Variants in RBFOX1 observed in about 807,000 individuals in gnomAD.
The protein encoded by RBFOX1 is RNA binding protein fox-1 homolog 1.
Under a neutral mutation model 57.7 loss-of-function variants are expected in RBFOX1, and 8 were observed. That is an observed-to-expected ratio of 0.14 (90% CI 0.08 to 0.25). The LOEUF is 0.25. RBFOX1 is among the 10% of genes least tolerant of loss of function. The pLI, the probability that RBFOX1 is intolerant of heterozygous loss-of-function variation, is 1.00. For missense variants in RBFOX1, 611 were observed against 548.5 expected (o/e 1.11, Z -1.14); for synonymous variants, 326 against 222.4 (o/e 1.47, Z -4.15).
intron 3 of RBFOX1, among the ~76,000 whole-genome samples, chr16:6,862,675 A>G (rs1238249171): frequency 2.6e-5 from 4 of 152,188 alleles, no homozygotes; most frequent in African/African-American, 9.7e-5. Context: ...AGCTGGAGGT[A>G]GAATTGGAAT....
chr16:6,328,917 G>C (rs2082685309), intron 2 of RBFOX1, among the ~76,000 whole-genome samples: 1 of 152,014 alleles, frequency 6.6e-6, no homozygotes, highest in South Asian at 2.1e-4. Flanking sequence ...GAAAATGAAA[G>C]ACAAGGATCC....
At chr16:5,550,475 G>A (rs1453674938) in intron 2 of RBFOX1, among the ~76,000 whole-genome samples, 1 of 152,188 alleles carries the variant, frequency 6.6e-6, no homozygotes. Context: ...GGGGGCAGTA[G>A]GAAGGGGAGC....
intron 2 of RBFOX1, among the ~76,000 whole-genome samples, chr16:5,485,046 G>A (rs2069678244): frequency 6.7e-6 from 1 of 150,304 alleles, no homozygotes; most frequent in Non-Finnish European, 1.5e-5. Context: ...GTGAGAGCCT[G>A]TCTCAGAAAA....
intron 14 of RBFOX1, among the ~76,000 whole-genome samples, chr16:7,691,178 C>G (rs1343702797): frequency 6.6e-6 from 1 of 150,626 alleles, no homozygotes; most frequent in Non-Finnish European, 1.5e-5. Flanking sequence ...GCTGTTAACT[C>G]CTTTTAAATG....
At chr16:6,916,197 G>C (rs8045175) in intron 3 of RBFOX1, among the ~76,000 whole-genome samples, 2,726 of 152,238 alleles carry the variant, frequency 0.018, 76 homozygotes, top group African/African-American at 0.061. Context: ...AAATAAAGTA[G>C]GAATCAGGAG....
chr16:6,576,643 A>G lies in RBFOX1; in HGVS notation c.-63-77960A>G, dbSNP rs776261471. The stretch of plus-strand genomic sequence containing the variant: ...TAACAGCTAATGGGGGGTTGTTCCT[A>G]TTTTTGTTGGCAGGGTGAGGGAGGT... On this transcript the variant is annotated intron_variant, in intron 2 of 15. Coordinates refer to ENST00000550418, the MANE Select transcript of RBFOX1 (RefSeq NM_018723.4). 1.9e-4 allele frequency among the ~76,000 whole-genome samples: 25 copies of G among 134,490 alleles called. 1 individual carries two copies. Among genetic ancestry groups the G allele is most frequent in the South Asian group, 2.6e-4 (1 of 3,868 alleles). The allele number at this position is 134,490 out of a possible 152,430, so 88.2% of individuals were successfully genotyped here.
At chr16:6,680,272 CTCTTTTTT>C (rs1313253714) in intron 3 of RBFOX1, among the ~76,000 whole-genome samples, 1 of 109,356 alleles carries the variant, frequency 9.1e-6, no homozygotes, top group Non-Finnish European at 1.9e-5. Flanking sequence ...TTTTCTCTCT[CTCTTTTTT>C]TTTTTTTTTT....
chr16:6,641,014 A>T (rs576691493), intron 2 of RBFOX1, among the ~76,000 whole-genome samples: 1 of 152,330 alleles, frequency 6.6e-6, no homozygotes, highest in African/African-American at 2.4e-5. Context: ...GTAAGTTGCT[A>T]TCTGACTTGA....
At chr16:6,220,063 T>C (rs2097362134) in intron 1 of RBFOX1, among the ~76,000 whole-genome samples, 1 of 152,154 alleles carries the variant, frequency 6.6e-6, no homozygotes, top group African/African-American at 2.4e-5. Context: ...TATATGAATA[T>C]ATAAATGTAT....
chr16:6,258,688 G>A (rs887436036), intron 1 of RBFOX1, among the ~76,000 whole-genome samples: 3 of 152,134 alleles, frequency 2.0e-5, no homozygotes, highest in East Asian at 1.9e-4. Flanking sequence ...TTGTTTAAAT[G>A]TTTATAGTAT....
chr16:7,579,107 A>G lies in RBFOX1; in HGVS notation c.271-670A>G, dbSNP rs75025677. On this transcript the variant is annotated intron_variant, in intron 5 of 15. Coordinates refer to ENST00000550418, the MANE Select transcript of RBFOX1 (RefSeq NM_018723.4). ...CGCTTGAAATGCAGCTAATGCAAAC[A>G]AAGTTAAATATCTTGTTTTAATTCA... Among the ~76,000 whole-genome samples, 866 of 152,340 alleles carry G rather than the reference A, an allele frequency of 5.7e-3. 7 individuals are homozygous for G. Among genetic ancestry groups the G allele is most frequent in the African/African-American group, 0.019 (807 of 41,582 alleles).
intron 1 of RBFOX1, among the ~76,000 whole-genome samples, chr16:6,243,597 C>T (rs570499343): frequency 3.3e-5 from 5 of 152,286 alleles, no homozygotes; most frequent in Admixed American, 6.5e-5. Flanking sequence ...TCCGTATAGA[C>T]TCGGGTCAGG....
chr16:6,955,188 C>G (rs564398433), intron 3 of RBFOX1, among the ~76,000 whole-genome samples: 9 of 152,144 alleles, frequency 5.9e-5, no homozygotes, highest in African/African-American at 1.9e-4. Context: ...TTTCAGTGAA[C>G]TGAGATGGCA....
chr16:6,132,262 C>G (rs1017665172), intron 1 of RBFOX1, among the ~76,000 whole-genome samples: 14 of 152,154 alleles, frequency 9.2e-5, no homozygotes, highest in African/African-American at 3.4e-4. Context: ...TTCTCTATTT[C>G]CAGCCCCCTG....
intron 3 of RBFOX1, among the ~76,000 whole-genome samples, chr16:5,775,155 C>G (rs2054105223): frequency 6.6e-6 from 1 of 152,158 alleles, no homozygotes; most frequent in Admixed American, 6.5e-5. Context: ...CAAATCAGCT[C>G]AAAGTAACTC....
At chr16:7,590,588 G>T (rs78395209) in intron 7 of RBFOX1, among the ~76,000 whole-genome samples, 2 of 152,124 alleles carry the variant, frequency 1.3e-5, no homozygotes, top group South Asian at 4.2e-4. Context: ...GGCCGTGTGC[G>T]GTGGCTCACT....
intron 4 of RBFOX1, among the ~76,000 whole-genome samples, chr16:7,403,555 G>C (rs888729007): frequency 3.0e-5 from 4 of 134,804 alleles, no homozygotes; most frequent in African/African-American, 1.1e-4. Context: ...TATTGCAAAT[G>C]AGAGAATCCC....
intron 4 of RBFOX1, among the ~76,000 whole-genome samples, chr16:7,266,383 T>C (rs1440598065): frequency 6.6e-6 from 1 of 152,182 alleles, no homozygotes; most frequent in East Asian, 1.9e-4. Flanking sequence ...CTTTCCGCCA[T>C]GACGAAAGTC....
chr16:5,471,075 C>T (rs976462552), intron 2 of RBFOX1, among the ~76,000 whole-genome samples: 7 of 152,116 alleles, frequency 4.6e-5, no homozygotes, highest in Admixed American at 3.9e-4. Context: ...CTCAGGTGAT[C>T]CACCGGCCTC....
Sources: allele counts gnomAD v4.1 joint callset (sites outside exome capture counted in the v4.1 genomes callset), GRCh38; gene constraint gnomAD v4.1.1; transcripts MANE v1.5; gene names NCBI Gene and HGNC (gene_info 2026-07-23, HGNC 2026-07-21).